Variants in CRHR1 observed in about 807,000 individuals in gnomAD.
CRHR1 encodes corticotropin releasing hormone receptor 1.
CRHR1 carries 28 observed loss-of-function variants against 56.0 expected under a neutral mutation model. That is an observed-to-expected ratio of 0.50 (90% CI 0.37 to 0.69). The LOEUF is 0.69. Ranked by LOEUF, CRHR1 falls within the 30% of genes least tolerant of loss-of-function variation. The pLI, the probability that CRHR1 is intolerant of heterozygous loss-of-function variation, is 0.00. For synonymous variants in CRHR1, 195 were observed against 216.5 expected (o/e 0.90, Z 0.87); for missense variants, 376 against 548.0 (o/e 0.69, Z 3.13).
chr17:45,833,060 G>A (rs943273332), intron 8 of CRHR1, 78 bp from the exon 9 acceptor site: 8 of 1,313,620 alleles, frequency 6.1e-6, no homozygotes, highest in Non-Finnish European at 7.7e-6. Context: ...GTCCTGTCCT[G>A]GCCAAGCACT....
intron 2 of CRHR1, 143 bp from the exon 3 acceptor site, chr17:45,816,320 C>G (rs959911632): frequency 1.4e-5 from 15 of 1,108,062 alleles, no homozygotes; most frequent in Non-Finnish European, 1.8e-5. Flanking sequence ...CTCATTTCTG[C>G]ACTGGTCATT....
intron 1 of CRHR1, among the ~76,000 whole-genome samples, chr17:45,787,185 G>C (rs1294996702): frequency 6.6e-6 from 1 of 152,166 alleles, no homozygotes; most frequent in African/African-American, 2.4e-5. Context: ...GGGAGAGACA[G>C]GGTGTGTGAA....
chr17:45,816,535 T>A lies in CRHR1; in HGVS notation c.194T>A (p.Val65Asp), dbSNP rs763010512. 2 of 1,614,184 alleles carry A rather than the reference T, an allele frequency of 1.2e-6. No individual in the cohort carries two copies. The highest frequency in any genetic ancestry group is 1.7e-6 in the Non-Finnish European group (2 of 1,180,034). The change falls in exon 3 of 13, where the codon GTT becomes GAT. Residue 65 changes from valine (V) to aspartate (D), a missense_variant. Val to Asp is a radical substitution (Grantham distance 152). Coordinates refer to ENST00000314537, the MANE Select transcript of CRHR1 (RefSeq NM_004382.5). ...CGCAGCCCTGCGGGGCAGCTAGTGG[T>A]TCGGCCCTGCCCTGCCTTTTTCTAT... is the stretch of plus-strand genomic sequence containing the variant. ...WPRSPAGQLVVRPCPAFFYGV... is the reference protein window; with the variant it reads ...WPRSPAGQLVDRPCPAFFYGV...
In CRHR1 at chr17:45,834,633, G is replaced by A; in HGVS notation, c.1117G>A (p.Ala373Thr). ...YCFLNSEVRS[A>T]IRKRWHRWQD... ...CTCCCTGTGCCCACAGGTCCGTTCT[G>A]CCATCCGGAAGAGGTGGCACCGGTG... Residue 373 changes from alanine to threonine, a missense_variant, in exon 13 of 13, where the codon GCC becomes ACC. Transcript: ENST00000314537. The A allele has an allele frequency of 6.2e-7, 1 of 1,611,552 alleles. No individual in the cohort carries two copies.
chr17:45,834,176 G>T (rs1267372464), intron 12 of CRHR1, 128 bp downstream of exon 12: 1 of 1,186,202 alleles, frequency 8.4e-7, no homozygotes. Context: ...GTCCCTAGGG[G>T]TATGCTGCTG....
intron 1 of CRHR1, among the ~76,000 whole-genome samples, chr17:45,802,746 AGT>A (rs2061647026): frequency 6.6e-6 from 1 of 152,208 alleles, no homozygotes; most frequent in Non-Finnish European, 1.5e-5. Flanking sequence ...GAGGGACACA[AGT>A]GTCAGGGTTC....
In CRHR1 at chr17:45,828,969, G is replaced by A. The variant is rs1194790635; in HGVS notation, c.328-246G>A. Among the ~76,000 whole-genome samples, 3 of 152,188 alleles carry A rather than the reference G, an allele frequency of 2.0e-5. 1 individual carries two copies. The highest frequency in any genetic ancestry group is 2.9e-5 in the Non-Finnish European group (2 of 68,032). On this transcript the variant is annotated intron_variant, in intron 4 of 12. Transcript: ENST00000314537. ...GTCCATGTGGAGTGGGGAATCCCAC[G>A]TGATGTGGAGATTCAGTTCGACACA...
At chr17:45,830,001 C>T in intron 5 of CRHR1, 93 bp from the exon 6 acceptor site, 2 of 1,566,552 alleles carry the variant, frequency 1.3e-6, no homozygotes, top group South Asian at 2.4e-5. Context: ...TCAGTTTCCT[C>T]ATCTACACAT....
intron 1 of CRHR1, among the ~76,000 whole-genome samples, chr17:45,803,743 T>TGA (rs899112664): frequency 3.5e-5 from 5 of 141,762 alleles, no homozygotes; most frequent in African/African-American, 1.3e-4. Context: ...AGCCCTAGTT[T>TGA]GAGAGAGAGA....
intron 1 of CRHR1, among the ~76,000 whole-genome samples, chr17:45,801,606 A>G (rs777680332): frequency 5.3e-5 from 8 of 152,202 alleles, no homozygotes; most frequent in Non-Finnish European, 4.4e-5. Flanking sequence ...CACGGAAGTG[A>G]GGCATTAGCC....
chr17:45,829,339 C>T lies in CRHR1; in HGVS notation c.434+18C>T. The T allele has an allele frequency of 3.1e-6, 5 of 1,593,668 alleles. No individual in the cohort carries two copies. Among genetic ancestry groups the T allele is most frequent in the Non-Finnish European group, 2.6e-6 (3 of 1,162,894 alleles). Reference sequence around the variant, plus strand: ...CGGCTCAGGTGAGAAGACCCCAGCACTGCCTCCTCCTGTCCCCAGGACCTA... The same window carrying T: ...CGGCTCAGGTGAGAAGACCCCAGCATTGCCTCCTCCTGTCCCCAGGACCTA... On this transcript the variant is annotated intron_variant, in intron 5 of 12. Coordinates refer to ENST00000314537, the MANE Select transcript of CRHR1 (RefSeq NM_004382.5).
At chr17:45,807,647 G>A (rs997719618) in intron 2 of CRHR1, among the ~76,000 whole-genome samples, 2 of 152,216 alleles carry the variant, frequency 1.3e-5, no homozygotes, top group Admixed American at 1.3e-4. Flanking sequence ...AAGCGCCAGA[G>A]CCCTGAGTGG....
rs913440712 is a variant in CRHR1, at chr17:45,827,408, C to T, written c.328-1807C>T. ...TTGTCATTACCCAGGGGCTTCTCAG[C>T]ATGGATTTGTGGAAAATTTAATAAA... On this transcript the variant is annotated intron_variant, in intron 4 of 12. Transcript: ENST00000314537. 3.9e-5 allele frequency among the ~76,000 whole-genome samples: 6 copies of T among 152,224 alleles called. 1 individual carries two copies. The highest frequency in any genetic ancestry group is 1.4e-4 in the African/African-American group (6 of 41,462).
intron 10 of CRHR1, 21 bp from the exon 11 acceptor site, chr17:45,833,693 T>TGGGGGGCCCCCCCCC: frequency 5.7e-6 from 9 of 1,571,558 alleles, no homozygotes; most frequent in Non-Finnish European, 7.8e-6. Flanking sequence ...ACTCCGAGCC[T>TGGGGGGCCCCCCCCC]CCCCACCCGC....
intron 1 of CRHR1, among the ~76,000 whole-genome samples, chr17:45,803,757 C>CGTGTGTGTGT (rs553066030): frequency 0.32 from 40,771 of 129,342 alleles, 6,324 homozygotes; most frequent in East Asian, 0.74. Flanking sequence ...AGAGAGAGTG[C>CGTGTGTGTGT]GTGTGTGTGT....
At chr17:45,821,628 C>G (rs546445954) in intron 4 of CRHR1, among the ~76,000 whole-genome samples, 188 bp downstream of exon 4, 1 of 152,358 alleles carries the variant, frequency 6.6e-6, no homozygotes, top group South Asian at 2.1e-4. Flanking sequence ...CGAGGGCAGG[C>G]TGGACCAATG....
intron 7 of CRHR1, 54 bp downstream of exon 7, chr17:45,830,624 C>A: frequency 1.3e-6 from 2 of 1,557,766 alleles, no homozygotes; most frequent in Non-Finnish European, 8.7e-7. Context: ...CCGGGCTGCC[C>A]TCTCCTCCAG....
chr17:45,814,820 C>T (rs1428345284), intron 2 of CRHR1, among the ~76,000 whole-genome samples: 2 of 152,280 alleles, frequency 1.3e-5, no homozygotes, highest in African/African-American at 4.8e-5. Context: ...CCCACTCCAG[C>T]CGCCTGGCCC....
chr17:45,833,807 G>A lies in CRHR1; in HGVS notation c.1023G>A (p.Arg341=), dbSNP rs2062375660. 6.2e-7 allele frequency: 1 copy of A among 1,613,488 alleles called. No individual in the cohort carries two copies. Reference sequence around the variant, plus strand: ...ATCCCGGGGAGGATGAGGTCTCCCGGGTCGTCTTCATCTACTTCAACTCCT... The same window carrying A: ...ATCCCGGGGAGGATGAGGTCTCCCGAGTCGTCTTCATCTACTTCAACTCCT... The part of the protein sequence containing the change: ...FVNPGEDEVS[R]VVFIYFNSFL... Residue 341 remains arginine (R), a synonymous_variant, in exon 11 of 13, where the codon CGG becomes CGA. Transcript: ENST00000314537.
Sources: gnomAD v4.1 joint callset for allele counts (sites outside exome capture counted in the v4.1 genomes callset) on GRCh38, gnomAD v4.1.1 for gene constraint, MANE v1.5 for transcripts, NCBI Gene and HGNC (gene_info 2026-07-23, HGNC 2026-07-21) for gene names.